Variants in NOMO3 observed in about 807,000 individuals in gnomAD.
NOMO3 encodes the protein BOS complex subunit NOMO3.
Under a neutral mutation model 69.9 loss-of-function variants are expected in NOMO3, and 15 were observed. That is an observed-to-expected ratio of 0.21 (90% CI 0.14 to 0.33). NOMO3 has a LOEUF of 0.33. Ranked by LOEUF, NOMO3 falls within the 10% of genes least tolerant of loss-of-function variation. The pLI is 1.00. For synonymous variants in NOMO3, 89 were observed against 301.9 expected (o/e 0.29, Z 7.31); for missense variants, 218 against 761.0 (o/e 0.29, Z 8.39).
At chr16:16,235,263 A>T (rs2856511) in intron 1 of NOMO3, among the ~76,000 whole-genome samples, 24 of 150,656 alleles carry the variant, frequency 1.6e-4, no homozygotes, top group African/African-American at 4.8e-4. Context: ...ACTGTTTCAT[A>T]GCGGCTCGTG....
rs533302242 is a variant in NOMO3, at chr16:16,263,404, C to T, written c.1538-109C>T. ...CGCTCCGTCTGCCTCCGGCCACTGCCTCTTAGGAGCTCAGCAGTAGCAAGA... is the reference window on the plus strand; with the variant it reads ...CGCTCCGTCTGCCTCCGGCCACTGCTTCTTAGGAGCTCAGCAGTAGCAAGA... On this transcript the variant is annotated intron_variant, in intron 13 of 30. Coordinates refer to ENST00000399336, the MANE Select transcript of NOMO3 (RefSeq NM_001004067.4). 37 of 1,501,826 alleles carry T rather than the reference C, an allele frequency of 2.5e-5. 7 individuals carry two copies. The African/African-American group carries it at 5.2e-4, about 21-fold the overall frequency. 93.0% of individuals were successfully genotyped at this position (1,501,826 alleles called of 1,614,324 possible).
At chr16:16,262,782 T>C (rs1002931109) in intron 12 of NOMO3, among the ~76,000 whole-genome samples, 15 of 140,442 alleles carry the variant, frequency 1.1e-4, no homozygotes, top group Non-Finnish European at 1.8e-4. Flanking sequence ...GTATGGTTTC[T>C]AGTATGTAAG....
chr16:16,260,524 C>T lies in NOMO3; in HGVS notation c.1221-978C>T, dbSNP rs534776324. Among the ~76,000 whole-genome samples the T allele has an allele frequency of 3.2e-3, 458 of 143,378 alleles. 100 individuals carry two copies. Among genetic ancestry groups the T allele is most frequent in the African/African-American group, 0.013 (438 of 34,776 alleles). The allele number at this position is 143,378 out of a possible 152,430, so 94.1% of individuals were successfully genotyped here. The stretch of plus-strand genomic sequence containing the variant: ...TTTCATAATTCCTAGATTTCACATA[C>T]ACAATCTTCCACCATTTCCTTGTGT... On this transcript the variant is annotated intron_variant, in intron 11 of 30. Coordinates refer to ENST00000399336, the MANE Select transcript of NOMO3 (RefSeq NM_001004067.4).
intron 3 of NOMO3, among the ~76,000 whole-genome samples, chr16:16,241,173 A>G (rs1449417612): frequency 2.1e-5 from 3 of 144,984 alleles, no homozygotes; most frequent in African/African-American, 8.2e-5. Context: ...CTCATTAGCC[A>G]TCCCGCCCCA....
At position 16,235,114 on chromosome 16, in the gene NOMO3, T is replaced by G. The variant is rs574206803; in HGVS notation, c.166-1787T>G. On this transcript the variant is annotated intron_variant, in intron 1 of 30. Transcript: ENST00000399336. ...GTAAGCTAGACACTGTCTCAGGCAC[T>G]GGGGAATGAAGTTGTCACTGACCTC... 3.3e-5 allele frequency among the ~76,000 whole-genome samples: 5 copies of G among 151,480 alleles called. No individual in the cohort carries two copies. The East Asian group carries it at 7.7e-4, about 23-fold the overall frequency.
intron 4 of NOMO3, among the ~76,000 whole-genome samples, chr16:16,244,299 T>TTTTTTA (rs1024077951): frequency 7.1e-6 from 1 of 140,356 alleles, no homozygotes; most frequent in South Asian, 2.3e-4. Context: ...TGGTGAACCT[T>TTTTTTA]TTTTTATTTT....
rs962475970 is a variant in NOMO3 at position 16,254,610 on chromosome 16, A to C, written c.964-1110A>C. Among the ~76,000 whole-genome samples, 57 of 143,254 alleles carry C rather than the reference A, an allele frequency of 4.0e-4. 10 individuals carry two copies. The highest frequency in any genetic ancestry group is 1.6e-3 in the African/African-American group (55 of 34,564). The allele number at this position is 143,254 out of a possible 152,430, so 94.0% of individuals were successfully genotyped here. On this transcript the variant is annotated intron_variant, in intron 9 of 30. Transcript: ENST00000399336. Reference sequence around the variant, plus strand: ...TCATTCATTCAGGAGTCAGTTATTGAGTGCCTGCTGTGTACCAGGTGACTA... The same window carrying C: ...TCATTCATTCAGGAGTCAGTTATTGCGTGCCTGCTGTGTACCAGGTGACTA...
At chr16:16,266,671 C>T in intron 15 of NOMO3, 1 of 410,156 alleles carries the variant, frequency 2.4e-6, no homozygotes, top group Non-Finnish European at 4.4e-6. Context: ...GATTGTTCTT[C>T]TCTTGCTTTC....
At position 16,256,148 on chromosome 16, in the gene NOMO3, G is replaced by A. The variant is rs1139390; in HGVS notation, c.1210G>A (p.Val404Ile). The A allele has an allele frequency of 1.2e-5, 19 of 1,587,898 alleles. No homozygotes were observed. Among genetic ancestry groups the A allele is most frequent in the African/African-American group, 1.6e-5 (1 of 62,750 alleles). ...AAACACACCTCAGCTGGCTGACATT[G>A]TTGCAACAGGGTAAGCTTATCGTGT... ...APNTPQLADI[V>I]ATGFSVCGQI... The change falls in exon 11 of 31, where the codon GTT becomes ATT. Residue 404 changes from valine to isoleucine, a missense_variant. Val to Ile is a conservative substitution (Grantham distance 29). Coordinates refer to ENST00000399336, the MANE Select transcript of NOMO3 (RefSeq NM_001004067.4).
chr16:16,238,059 A>G (rs1216988684), intron 2 of NOMO3, among the ~76,000 whole-genome samples: 1 of 139,572 alleles, frequency 7.2e-6, no homozygotes, highest in Non-Finnish European at 1.5e-5. Flanking sequence ...AGTTGCAAAA[A>G]TAGTCAATAC....
intron 16 of NOMO3, among the ~76,000 whole-genome samples, chr16:16,268,351 C>T (rs1283380441): frequency 2.1e-5 from 3 of 146,166 alleles, no homozygotes; most frequent in Non-Finnish European, 4.4e-5. Context: ...TTGATATTCC[C>T]ACCAGCAATG....
chr16:16,236,321 T>G (rs2049326669), intron 1 of NOMO3, among the ~76,000 whole-genome samples: 1 of 143,272 alleles, frequency 7.0e-6, no homozygotes, highest in Non-Finnish European at 1.5e-5. Context: ...CTTGGCTCAC[T>G]GCAACCTCCG....
intron 1 of NOMO3, among the ~76,000 whole-genome samples, chr16:16,235,559 C>T (rs1256233352): frequency 6.8e-6 from 1 of 146,664 alleles, no homozygotes; most frequent in Admixed American, 6.7e-5. Context: ...CACTGTTGCT[C>T]AGGCTGGAGT....
At chr16:16,255,271 G>A (rs1257515054) in intron 9 of NOMO3, among the ~76,000 whole-genome samples, 1 of 140,322 alleles carries the variant, frequency 7.1e-6, no homozygotes, top group African/African-American at 3.1e-5. Context: ...GAGGGGACAC[G>A]TGAGACCTTG....
intron 5 of NOMO3, among the ~76,000 whole-genome samples, chr16:16,245,384 A>G (rs974621305): frequency 2.8e-5 from 4 of 143,752 alleles, no homozygotes; most frequent in Admixed American, 2.7e-4. Context: ...CATTGATGAG[A>G]TGATTAAATA....
chr16:16,265,682 T>TTTTTTA, intron 15 of NOMO3, among the ~76,000 whole-genome samples: 1 of 48,922 alleles, frequency 2.0e-5, no homozygotes, highest in Non-Finnish European at 3.5e-5. Context: ...TTTTTTTTTT[T>TTTTTTA]TTTTTTTTTT....
rs754511388 is a variant in NOMO3 at position 16,263,205 on chromosome 16, C to T, written c.1527C>T (p.Val509=). 5.1e-5 allele frequency: 82 copies of T among 1,593,640 alleles called. 3 individuals are homozygous for T. Among genetic ancestry groups the T allele is most frequent in the Non-Finnish European group, 6.7e-5 (79 of 1,177,110 alleles). ...VQFLASVSGK[V]SCLDTCGDLL... ...TCTTGGCATCAGTTTCTGGGAAAGT[C>T]TCTTGTTTGGGTAAGATATCACTGG... The change falls in exon 13 of 31, where the codon GTC becomes GTT. Residue 509 remains valine, a synonymous_variant. Transcript: ENST00000399336.
At position 16,249,862 on chromosome 16, in the gene NOMO3, C is replaced by T. The variant is rs377478365; in HGVS notation, c.583-1066C>T. On this transcript the variant is annotated intron_variant, in intron 6 of 30. Transcript: ENST00000399336. Reference sequence around the variant, plus strand: ...CCAATTTGTGACAAGCCCTGTGCTGCGTGCTTAGAATCTGTACACTTTTCT... The same window carrying T: ...CCAATTTGTGACAAGCCCTGTGCTGTGTGCTTAGAATCTGTACACTTTTCT... Among the ~76,000 whole-genome samples the T allele has an allele frequency of 2.9e-4, 42 of 143,690 alleles. 2 individuals carry two copies. Among genetic ancestry groups the T allele is most frequent in the Admixed American group, 3.4e-4 (5 of 14,762 alleles). 94.3% of individuals were successfully genotyped at this position (143,690 alleles called of 152,430 possible). A position where few individuals can be genotyped will look rare whatever the true frequency, so the allele number is the denominator to read the frequency against.
chr16:16,241,427 C>A (rs1208209179), intron 3 of NOMO3, among the ~76,000 whole-genome samples: 2 of 139,966 alleles, frequency 1.4e-5, no homozygotes, highest in Non-Finnish European at 3.0e-5. Flanking sequence ...TTATTTTTTT[C>A]TTTTTTTTGA....
Sources: allele counts gnomAD v4.1 joint callset (sites outside exome capture counted in the v4.1 genomes callset), GRCh38; gene constraint gnomAD v4.1.1; transcripts MANE v1.5; gene names NCBI Gene and HGNC (gene_info 2026-07-23, HGNC 2026-07-21).